The following LRP1B variants were observed in gnomAD, a reference collection of about 807,000 sequenced individuals.
LRP1B encodes the protein low-density lipoprotein receptor-related protein 1B.
A neutral mutation model predicts 556.6 loss-of-function variants in LRP1B; 217 were observed. The ratio of observed to expected loss-of-function variants is 0.39; its 90% CI spans 0.35 to 0.44. LRP1B has a LOEUF of 0.44. Ranked by LOEUF, LRP1B falls within the 20% of genes least tolerant of loss-of-function variation. LRP1B has a pLI of 1.00. For missense variants in LRP1B, 5,053 were observed against 5,620.8 expected (o/e 0.90, Z 3.23); for synonymous variants, 2,047 against 1,865.8 (o/e 1.10, Z -2.50).
rs76573678 is a variant in LRP1B at position 140,572,961 on chromosome 2, C to A, written c.7194+25670G>T. ...TGTGTAGAAGCTAAAAACATCGATCCCATAGTAGAGAATGGAATAGTGGTT... is the reference window on the plus strand; with the variant it reads ...TGTGTAGAAGCTAAAAACATCGATCACATAGTAGAGAATGGAATAGTGGTT... On this transcript the variant is annotated intron_variant, in intron 43 of 90. Transcript: ENST00000389484. 6.0e-3 allele frequency among the ~76,000 whole-genome samples: 913 copies of A among 151,468 alleles called. 8 individuals carry two copies. The highest frequency in any genetic ancestry group is 0.033 in the East Asian group (169 of 5,160).
chr2:140,388,512 A>T (rs1433660437), intron 66 of LRP1B, among the ~76,000 whole-genome samples: 1 of 152,212 alleles, frequency 6.6e-6, no homozygotes, highest in Non-Finnish European at 1.5e-5. Context: ...ATTTCTTAAC[A>T]AAAACAAGTT....
chr2:141,250,396 A>C (rs1400900532), intron 4 of LRP1B, among the ~76,000 whole-genome samples: 2 of 151,996 alleles, frequency 1.3e-5, no homozygotes, highest in African/African-American at 4.8e-5. Context: ...CTAAAAAATA[A>C]CTCTTGAACA....
intron 7 of LRP1B, among the ~76,000 whole-genome samples, chr2:141,111,765 C>T (rs1158546331): frequency 2.0e-5 from 3 of 152,092 alleles, no homozygotes; most frequent in East Asian, 1.9e-4. Context: ...ACAAATTCTA[C>T]TCCAGCCGGT....
chr2:140,867,668 G>T lies in LRP1B; in HGVS notation c.4501C>A (p.Gln1501Lys). ...TLSKANKWTG[Q>K]NVSVIQKTSA... ...GTTTTCTGAATCACACTGACATTCT[G>T]CCCTGTCCACTTATTGGCTTTGGAC... The change falls in exon 27 of 91, where the codon CAG becomes AAG. Residue 1501 changes from glutamine to lysine, a missense_variant. Around this residue, in one of 5 missense-constraint regions of LRP1B, gnomAD observed 3,619 missense variants for 3,931.9 expected, o/e 0.92. Transcript: ENST00000389484. The T allele has an allele frequency of 6.2e-7, 1 of 1,613,592 alleles. No homozygotes were observed. Among genetic ancestry groups the T allele is most frequent in the South Asian group, 1.1e-5 (1 of 91,066 alleles).
intron 11 of LRP1B, among the ~76,000 whole-genome samples, chr2:141,032,826 C>CATACATACATACATATAT: frequency 7.9e-6 from 1 of 126,616 alleles, no homozygotes. Context: ...TATATACATA[C>CATACATACATACATATAT]ATATATATAT....
intron 1 of LRP1B, among the ~76,000 whole-genome samples, chr2:141,872,259 C>T (rs1052370804): frequency 2.0e-5 from 3 of 151,770 alleles, no homozygotes; most frequent in Admixed American, 6.6e-5. Flanking sequence ...GAAATTCAGA[C>T]TATCAGAACT....
intron 7 of LRP1B, among the ~76,000 whole-genome samples, chr2:141,115,507 A>T (rs1700870010): frequency 7.9e-6 from 1 of 127,168 alleles, no homozygotes; most frequent in Non-Finnish European, 1.6e-5. Context: ...CCCAGACTGG[A>T]GTGCAATGTC....
At chr2:140,612,849 T>C (rs1213202837) in intron 41 of LRP1B, among the ~76,000 whole-genome samples, 1 of 151,978 alleles carries the variant, frequency 6.6e-6, no homozygotes, top group Non-Finnish European at 1.5e-5. Context: ...TATTATACTT[T>C]TTTTAGGAAG....
intron 41 of LRP1B, among the ~76,000 whole-genome samples, chr2:140,669,975 C>T (rs16844458): frequency 0.04 from 6,138 of 152,032 alleles, 203 homozygotes; most frequent in African/African-American, 0.087. Flanking sequence ...AATTATCCTT[C>T]GAAATAAAAT....
intron 7 of LRP1B, among the ~76,000 whole-genome samples, chr2:141,065,209 C>A (rs1341519353): frequency 6.6e-6 from 1 of 151,850 alleles, no homozygotes; most frequent in Non-Finnish European, 1.5e-5. Flanking sequence ...ATTTTATATA[C>A]TCATTGAGCC....
chr2:141,268,708 G>C (rs73962893), intron 3 of LRP1B, among the ~76,000 whole-genome samples: 1,887 of 152,188 alleles, frequency 0.012, 36 homozygotes, highest in African/African-American at 0.044. Context: ...ACACCTCCTA[G>C]ATTTTCTCTT....
At chr2:141,695,120 G>T (rs945677585) in intron 2 of LRP1B, among the ~76,000 whole-genome samples, 1 of 151,834 alleles carries the variant, frequency 6.6e-6, no homozygotes, top group Non-Finnish European at 1.5e-5. Flanking sequence ...TCTCTTTCAT[G>T]CCATTTATTT....
chr2:140,561,774 C>T (rs528149800), intron 43 of LRP1B, among the ~76,000 whole-genome samples: 72 of 151,846 alleles, frequency 4.7e-4, no homozygotes, highest in Non-Finnish European at 9.4e-4. Context: ...ACCCTAATAC[C>T]TAAATTTAAC....
chr2:140,971,555 A>C (rs1696424567), intron 18 of LRP1B, among the ~76,000 whole-genome samples: 1 of 152,196 alleles, frequency 6.6e-6, no homozygotes, highest in Non-Finnish European at 1.5e-5. Context: ...ATAAGAATCA[A>C]GGCCAGGTGC....
At chr2:141,551,160 G>A (rs551512485) in intron 2 of LRP1B, among the ~76,000 whole-genome samples, 1 of 152,030 alleles carries the variant, frequency 6.6e-6, no homozygotes, top group South Asian at 2.1e-4. Flanking sequence ...TGTATTTCTT[G>A]TTAATAAGGG....
chr2:141,702,585 C>T (rs1048179375), intron 2 of LRP1B, among the ~76,000 whole-genome samples: 7 of 151,760 alleles, frequency 4.6e-5, no homozygotes, highest in African/African-American at 1.7e-4. Context: ...GTCTAGTTCC[C>T]AGTGGGGACA....
chr2:141,829,416 T>C (rs1299625959), intron 1 of LRP1B, among the ~76,000 whole-genome samples: 1 of 152,148 alleles, frequency 6.6e-6, no homozygotes, highest in Non-Finnish European at 1.5e-5. Flanking sequence ...AAAATTCTGC[T>C]GCTCCTATTC....
intron 11 of LRP1B, among the ~76,000 whole-genome samples, chr2:141,022,482 G>T (rs1336395206): frequency 6.6e-6 from 1 of 151,928 alleles, no homozygotes; most frequent in Non-Finnish European, 1.5e-5. Context: ...ATTGATAAGG[G>T]AAGCATTCTG....
At chr2:141,839,872 T>C (rs1286834202) in intron 1 of LRP1B, among the ~76,000 whole-genome samples, 4 of 152,166 alleles carry the variant, frequency 2.6e-5, no homozygotes, top group African/African-American at 9.7e-5. Flanking sequence ...AAACCACAAC[T>C]AATAAAATGT....
Sources: allele counts gnomAD v4.1 joint callset (sites outside exome capture counted in the v4.1 genomes callset), GRCh38; gene constraint gnomAD v4.1.1; regional missense constraint gnomAD v4.1.1; transcripts MANE v1.5; gene names NCBI Gene and HGNC (gene_info 2026-07-23, HGNC 2026-07-21).